The following LRRC49 variants were observed in gnomAD, a reference collection of about 807,000 sequenced individuals.
LRRC49 encodes leucine-rich repeat-containing protein 49.
Under a neutral mutation model 83.3 loss-of-function variants are expected in LRRC49, and 50 were observed. The observed-to-expected ratio is 0.60, with a 90% confidence interval of 0.48 to 0.76. The LOEUF (loss-of-function observed/expected upper bound fraction) is 0.76. Ranked by LOEUF, LRRC49 falls within the 30% of genes least tolerant of loss-of-function variation. The probability of loss-of-function intolerance (pLI) is 0.00; values close to 1 mark genes in which losing one functional copy is unlikely to be tolerated. For synonymous variants in LRRC49, 286 were observed against 283.3 expected, an observed-to-expected ratio of 1.01 and a Z score of -0.10; for missense variants, 704 against 809.1, an observed-to-expected ratio of 0.87 and a Z score of 1.58.
intron 2 of LRRC49, among the ~76,000 whole-genome samples, chr15:70,880,825 A>C (rs2033248416): frequency 1.3e-5 from 2 of 152,248 alleles, no homozygotes; most frequent in African/African-American, 2.4e-5. Flanking sequence ...ATGTAACTTC[A>C]TTATGGTTTG....
intron 9 of LRRC49, among the ~76,000 whole-genome samples, chr15:70,976,615 A>G (rs1376644902): frequency 6.6e-6 from 1 of 152,170 alleles, no homozygotes; most frequent in African/African-American, 2.4e-5. Flanking sequence ...AATTGACTTG[A>G]AATTATTTCT....
At chr15:71,041,000 C>G (rs996066710) in intron 15 of LRRC49, among the ~76,000 whole-genome samples, 5 of 152,128 alleles carry the variant, frequency 3.3e-5, no homozygotes, top group East Asian at 1.9e-4. Flanking sequence ...ATTCCCACAG[C>G]TGCAAGGAAC....
chr15:70,981,322 C>T (rs917802191), intron 10 of LRRC49, among the ~76,000 whole-genome samples: 1 of 143,100 alleles, frequency 7.0e-6, no homozygotes. Context: ...GGGAGGGGAA[C>T]ATCACACACC....
upstream of LRRC49, among the ~76,000 whole-genome samples, chr15:70,887,618 T>TA (rs2033445307): frequency 6.6e-6 from 1 of 152,118 alleles, no homozygotes; most frequent in South Asian, 2.1e-4. Flanking sequence ...AAGAGAGCTA[T>TA]AAAAAACTAT....
chr15:70,906,207 C>T (rs866961213), intron 5 of LRRC49, among the ~76,000 whole-genome samples: 2 of 151,682 alleles, frequency 1.3e-5, no homozygotes, highest in Non-Finnish European at 2.9e-5. Flanking sequence ...AGTGATTGTC[C>T]TGCCTCAGCC....
chr15:70,866,530 G>A (rs565595426), intron 1 of LRRC49, among the ~76,000 whole-genome samples: 2 of 152,168 alleles, frequency 1.3e-5, no homozygotes, highest in Non-Finnish European at 2.9e-5. Flanking sequence ...TTAGGTTTCT[G>A]CATGGAAATC....
chr15:71,031,965 G>A (rs938188861), intron 14 of LRRC49, among the ~76,000 whole-genome samples: 1 of 152,112 alleles, frequency 6.6e-6, no homozygotes, highest in Non-Finnish European at 1.5e-5. Flanking sequence ...GAGACCACTT[G>A]GCTTCCTGGC....
intron 7 of LRRC49, among the ~76,000 whole-genome samples, chr15:70,932,298 A>G (rs967783751): frequency 6.6e-6 from 1 of 152,336 alleles, no homozygotes; most frequent in African/African-American, 2.4e-5. Flanking sequence ...TAGTCCTCAT[A>G]TAATAAGTGT....
intron 5 of LRRC49, chr15:70,907,908 C>T (rs1466492526): frequency 2.2e-6 from 1 of 452,916 alleles, no homozygotes; most frequent in South Asian, 1.6e-5. Flanking sequence ...TCTGCAAATT[C>T]CTCACATCAA....
At chr15:71,049,327 A>G (rs1383989837) in intron 15 of LRRC49, 82 bp from the exon 16 acceptor site, 10 of 892,462 alleles carry the variant, frequency 1.1e-5, no homozygotes, top group East Asian at 2.6e-5. Context: ...AATTATTTCA[A>G]TTTTCTGTGG....
In LRRC49 at chr15:71,001,814, C is replaced by T. The variant is rs1226939784; in HGVS notation, c.1170-6565C>T. 2.0e-5 allele frequency among the ~76,000 whole-genome samples: 3 copies of T among 152,080 alleles called. No homozygotes were observed. In the East Asian group the frequency reaches 5.8e-4, roughly 29 times the overall value. ...TCACACCATTCTCCTGCCTCAGCCT[C>T]CTGAGTAGCTGGGACTACAGGTGCC... On this transcript the variant is annotated intron_variant, in intron 11 of 15. Transcript: ENST00000260382.
chr15:70,903,512 A>AT (rs552760486), intron 4 of LRRC49, among the ~76,000 whole-genome samples: 175 of 151,316 alleles, frequency 1.2e-3, no homozygotes, highest in Middle Eastern at 3.4e-3. Context: ...ACATTCAGTT[A>AT]TTTTTTTTTC....
chr15:70,920,265 G>A (rs1037087921), intron 7 of LRRC49, among the ~76,000 whole-genome samples: 2 of 152,108 alleles, frequency 1.3e-5, no homozygotes, highest in Non-Finnish European at 2.9e-5. Flanking sequence ...AGGTCTCATC[G>A]TACAGATTGG....
At chr15:70,977,067 A>G (rs1323823036) in intron 9 of LRRC49, among the ~76,000 whole-genome samples, 1 of 152,204 alleles carries the variant, frequency 6.6e-6, no homozygotes, top group Non-Finnish European at 1.5e-5. Flanking sequence ...TGATCCATAC[A>G]GTTTCCAGTA....
intron 7 of LRRC49, among the ~76,000 whole-genome samples, chr15:70,934,269 C>A (rs946283733): frequency 3.3e-5 from 5 of 151,970 alleles, no homozygotes; most frequent in African/African-American, 1.2e-4. Context: ...TTCTTTTTGT[C>A]TATTATAATG....
intron 8 of LRRC49, among the ~76,000 whole-genome samples, chr15:70,947,455 A>G (rs1314513191): frequency 6.6e-6 from 1 of 152,216 alleles, no homozygotes; most frequent in East Asian, 1.9e-4. Flanking sequence ...ACCTAATGAC[A>G]GAGAACATAC....
intron 1 of LRRC49, among the ~76,000 whole-genome samples, chr15:70,867,913 T>C (rs1210263994): frequency 6.6e-6 from 1 of 152,146 alleles, no homozygotes; most frequent in East Asian, 1.9e-4. Flanking sequence ...GGTTGTGGGG[T>C]GAGGTGCTCT....
intron 10 of LRRC49, among the ~76,000 whole-genome samples, chr15:70,981,507 A>G (rs78791378): frequency 2.6e-5 from 4 of 152,100 alleles, no homozygotes; most frequent in African/African-American, 9.7e-5. Context: ...AAAAAAAAAA[A>G]GAATGCTAAA....
chr15:70,942,845 T>C (rs1363269400), intron 8 of LRRC49, among the ~76,000 whole-genome samples: 1 of 152,216 alleles, frequency 6.6e-6, no homozygotes. Context: ...TTCAGCTGTT[T>C]CCTAACTCAT....
Sources: gnomAD v4.1 joint callset for allele counts (sites outside exome capture counted in the v4.1 genomes callset) on GRCh38, gnomAD v4.1.1 for gene constraint, MANE v1.5 for transcripts, NCBI Gene and HGNC (gene_info 2026-07-23, HGNC 2026-07-21) for gene names.